PRKG1: variants seen among roughly 807,000 people sequenced by gnomAD.
PRKG1 encodes the protein protein kinase cGMP-dependent 1, also known as cGMP-dependent protein kinase 1.
Under a neutral mutation model 88.1 loss-of-function variants are expected in PRKG1, and 35 were observed. The ratio of observed to expected loss-of-function variants is 0.40; its 90% CI spans 0.30 to 0.53. The LOEUF is 0.53. Among genes scored for constraint, PRKG1 ranks in the 20% least tolerant of loss-of-function variants. The pLI, the probability that PRKG1 is intolerant of heterozygous loss-of-function variation, is 0.59. For missense variants in PRKG1, 540 were observed against 839.8 expected, an observed-to-expected ratio of 0.64 and a Z score of 4.41; for synonymous variants, 303 against 292.5, an observed-to-expected ratio of 1.04 and a Z score of -0.37.
At chr10:51,149,534 C>T (rs1408105625) in intron 1 of PRKG1, among the ~76,000 whole-genome samples, 3 of 151,802 alleles carry the variant, frequency 2.0e-5, no homozygotes, top group African/African-American at 7.3e-5. Flanking sequence ...ATTTATTTTT[C>T]TAAAATTGAA....
At chr10:51,191,230 AC>A (rs1284110949) in intron 2 of PRKG1, among the ~76,000 whole-genome samples, 1 of 151,854 alleles carries the variant, frequency 6.6e-6, no homozygotes, top group Non-Finnish European at 1.5e-5. Flanking sequence ...TTTCCTGAGA[AC>A]CAGAACCACA....
At chr10:51,007,096 A>G (rs1336863678) in intron 1 of PRKG1, among the ~76,000 whole-genome samples, 1 of 151,834 alleles carries the variant, frequency 6.6e-6, no homozygotes, top group African/African-American at 2.4e-5. Flanking sequence ...CCACCACCAC[A>G]CCTGGCTAAT....
intron 5 of PRKG1, among the ~76,000 whole-genome samples, chr10:51,957,753 T>TA (rs1843349051): frequency 6.6e-6 from 1 of 152,210 alleles, no homozygotes. Context: ...TGCTTAGGGC[T>TA]ATATGGAGCT....
At chr10:52,152,890 G>A (rs1837974877) in intron 8 of PRKG1, among the ~76,000 whole-genome samples, 1 of 152,172 alleles carries the variant, frequency 6.6e-6, no homozygotes, top group Non-Finnish European at 1.5e-5. Context: ...TCTAGAACAG[G>A]AGTCAGCAAA....
chr10:51,010,192 G>A (rs1209488511), intron 1 of PRKG1, among the ~76,000 whole-genome samples: 2 of 152,330 alleles, frequency 1.3e-5, no homozygotes, highest in South Asian at 2.1e-4. Context: ...CATGGAGCAC[G>A]TGCAGAAAAG....
chr10:52,000,749 C>G lies in PRKG1; in HGVS notation c.763-53735C>G, dbSNP rs968562595. On this transcript the variant is annotated intron_variant, in intron 5 of 17. Transcript: ENST00000373980. ...ATATTCGTGAACATAAAAACACACTCTCACACATTGAATTAGTAAGCAAAA... is the reference window on the plus strand; with the variant it reads ...ATATTCGTGAACATAAAAACACACTGTCACACATTGAATTAGTAAGCAAAA... 2.0e-5 allele frequency among the ~76,000 whole-genome samples: 3 copies of G among 147,524 alleles called. No individual in the cohort carries two copies. In the South Asian group the frequency reaches 6.2e-4, roughly 31 times the overall value.
intron 2 of PRKG1, among the ~76,000 whole-genome samples, chr10:51,401,940 T>G (rs1371292427): frequency 6.6e-6 from 1 of 152,214 alleles, no homozygotes. Context: ...TTTTGTGCAG[T>G]GTTTCCTCCT....
intron 3 of PRKG1, among the ~76,000 whole-genome samples, chr10:51,785,733 G>A (rs185163875): frequency 6.6e-6 from 1 of 152,162 alleles, no homozygotes; most frequent in Non-Finnish European, 1.5e-5. Context: ...ATACATGTCT[G>A]TATTTGAATA....
At chr10:51,170,259 A>G (rs1453049461) in intron 2 of PRKG1, among the ~76,000 whole-genome samples, 1 of 152,128 alleles carries the variant, frequency 6.6e-6, no homozygotes, top group Non-Finnish European at 1.5e-5. Flanking sequence ...AGGAAAATAC[A>G]TAACTTAAAA....
At chr10:51,252,137 C>T (rs1170866399) in intron 2 of PRKG1, among the ~76,000 whole-genome samples, 2 of 151,638 alleles carry the variant, frequency 1.3e-5, no homozygotes, top group Non-Finnish European at 3.0e-5. Context: ...TATACTGGCA[C>T]AATGAGCCGC....
chr10:51,430,986 G>A (rs1458024425), intron 2 of PRKG1, among the ~76,000 whole-genome samples: 1 of 152,184 alleles, frequency 6.6e-6, no homozygotes, highest in African/African-American at 2.4e-5. Flanking sequence ...TGTGGTGATG[G>A]AGATGTTCTT....
Position 51,358,944 on chromosome 10 carries a change from G to T in PRKG1, c.479-108779G>T, listed in dbSNP as rs541825609. On this transcript the variant is annotated intron_variant, in intron 2 of 17. Transcript: ENST00000373980. ...TAAAACGTTATTTATTGGGGGGGGGGGTGTGGATTTTGTAGATTTTTCCTG... is the reference window on the plus strand; with the variant it reads ...TAAAACGTTATTTATTGGGGGGGGGTGTGTGGATTTTGTAGATTTTTCCTG... Among the ~76,000 whole-genome samples the T allele has an allele frequency of 1.3e-3, 199 of 147,760 alleles. 3 individuals carry two copies. The highest frequency in any genetic ancestry group is 4.5e-3 in the African/African-American group (179 of 39,822).
In PRKG1 at chr10:51,444,008, ACT is replaced by A. The variant is rs529502532; in HGVS notation, c.479-23714_479-23713del. Among the ~76,000 whole-genome samples, 13 of 150,284 alleles carry A rather than the reference ACT, an allele frequency of 8.7e-5. No homozygotes were observed. The East Asian group carries it at 2.3e-3, about 27-fold the overall frequency. On this transcript the variant is annotated intron_variant, in intron 2 of 17. Coordinates refer to ENST00000373980, the MANE Select transcript of PRKG1 (RefSeq NM_006258.4). ...TGCGCTCATTGCCTTCTAGAAAAAC[ACT>A]GTTTTCTTAGGTGAACACAAAGTGT...
intron 7 of PRKG1, among the ~76,000 whole-genome samples, chr10:52,109,948 G>C (rs138293244): frequency 1.1e-4 from 16 of 151,848 alleles, no homozygotes; most frequent in African/African-American, 3.9e-4. Flanking sequence ...CTCAATTCCC[G>C]AGCTGTGAGC....
intron 3 of PRKG1, among the ~76,000 whole-genome samples, chr10:51,638,868 C>T (rs1182419783): frequency 2.6e-5 from 4 of 152,100 alleles, no homozygotes; most frequent in African/African-American, 7.2e-5. Flanking sequence ...AGGATATACT[C>T]ATTATTAATG....
chr10:51,501,809 T>G (rs1165258195), intron 3 of PRKG1, among the ~76,000 whole-genome samples: 1 of 129,554 alleles, frequency 7.7e-6, no homozygotes, highest in Non-Finnish European at 1.7e-5. Context: ...TTTTTTTTTT[T>G]GTCAGTTTTG....
intron 7 of PRKG1, among the ~76,000 whole-genome samples, chr10:52,083,142 T>C (rs868599357): frequency 1.3e-5 from 2 of 152,082 alleles, no homozygotes; most frequent in South Asian, 4.1e-4. Flanking sequence ...TAGTGTTATA[T>C]ATGTTTGAAA....
intron 3 of PRKG1, among the ~76,000 whole-genome samples, chr10:51,557,053 G>A (rs1564548805): frequency 6.6e-6 from 1 of 151,694 alleles, no homozygotes; most frequent in Admixed American, 6.6e-5. Flanking sequence ...GATACCACCC[G>A]CTTCTCCCCC....
rs1840384571 is a variant in PRKG1 at position 52,226,147 on chromosome 10, A to G, written c.1077-25423A>G. ...TGCTAAAAGTACTTCATGATATCAT[A>G]AAACTGCCTGATTCTGCTGAAAACA... On this transcript the variant is annotated intron_variant, in intron 9 of 17. Coordinates refer to ENST00000373980, the MANE Select transcript of PRKG1 (RefSeq NM_006258.4). Among the ~76,000 whole-genome samples the G allele has an allele frequency of 3.3e-5, 5 of 151,946 alleles. 1 individual carries two copies. Among genetic ancestry groups the G allele is most frequent in the Admixed American group, 3.3e-4 (5 of 15,218 alleles).
Sources: gnomAD v4.1 joint callset for allele counts (sites outside exome capture counted in the v4.1 genomes callset) on GRCh38, gnomAD v4.1.1 for gene constraint, MANE v1.5 for transcripts, NCBI Gene and HGNC (gene_info 2026-07-23, HGNC 2026-07-21) for gene names.